CNOT6: variants seen among roughly 807,000 people sequenced by gnomAD.
The protein encoded by CNOT6 is carbon catabolite repression 4 protein.
A neutral mutation model predicts 61.2 loss-of-function variants in CNOT6; 12 were observed. The observed-to-expected ratio is 0.20, with a 90% confidence interval of 0.13 to 0.32. CNOT6 has a LOEUF of 0.32. CNOT6 is among the 10% of genes least tolerant of loss of function. The probability of loss-of-function intolerance (pLI) is 1.00; values close to 1 mark genes in which losing one functional copy is unlikely to be tolerated. For synonymous variants in CNOT6, 225 were observed against 240.6 expected (o/e 0.94, Z 0.60); for missense variants, 405 against 663.9 (o/e 0.61, Z 4.28).
At chr5:180,521,388 A>G (rs1331876977) in intron 1 of CNOT6, among the ~76,000 whole-genome samples, 2 of 152,234 alleles carry the variant, frequency 1.3e-5, no homozygotes, top group South Asian at 4.1e-4. Context: ...CTCAGGTTTC[A>G]TAATCACATT....
At chr5:180,547,999 G>T (rs1311663858) in intron 2 of CNOT6, among the ~76,000 whole-genome samples, 1 of 152,194 alleles carries the variant, frequency 6.6e-6, no homozygotes, top group East Asian at 1.9e-4. Flanking sequence ...TTCCCAAAGT[G>T]CTGGGATTAC....
chr5:180,509,747 C>G (rs1480711639), intron 1 of CNOT6, among the ~76,000 whole-genome samples: 1 of 151,504 alleles, frequency 6.6e-6, no homozygotes, highest in Non-Finnish European at 1.5e-5. Flanking sequence ...GACAGGATCT[C>G]CCTATGCTGC....
At chr5:180,539,879 G>A (rs1225391608) in intron 2 of CNOT6, among the ~76,000 whole-genome samples, 1 of 151,938 alleles carries the variant, frequency 6.6e-6, no homozygotes, top group African/African-American at 2.4e-5. Flanking sequence ...GTGAGCCACC[G>A]CGCCCAGCCT....
chr5:180,502,566 G>A (rs1198984072), intron 1 of CNOT6, among the ~76,000 whole-genome samples: 1 of 152,196 alleles, frequency 6.6e-6, no homozygotes, highest in Non-Finnish European at 1.5e-5. Flanking sequence ...GTAGCAAAGA[G>A]GAAATCATTA....
At chr5:180,508,152 A>G (rs1020025040) in intron 1 of CNOT6, among the ~76,000 whole-genome samples, 1 of 152,192 alleles carries the variant, frequency 6.6e-6, no homozygotes, top group African/African-American at 2.4e-5. Flanking sequence ...GAATTAAGGC[A>G]GAGTGGGTGA....
chr5:180,497,119 G>A (rs1489805301), intron 1 of CNOT6, among the ~76,000 whole-genome samples: 3 of 152,144 alleles, frequency 2.0e-5, no homozygotes, highest in Admixed American at 6.5e-5. Context: ...CCTGAGGTCA[G>A]GAGTTCGAGG....
Position 180,577,163 on chromosome 5 carries a change from A to ATGTGTGTGTGCGTGTG in CNOT6, c.*2973_*2974insCGTGTGTGTGTGTGTG, listed in dbSNP as rs1554104995. The ATGTGTGTGTGCGTGTG allele has an allele frequency of 6.9e-6, 1 of 145,656 alleles. No individual in the cohort carries two copies. The highest frequency in any genetic ancestry group is 2.5e-5 in the African/African-American group (1 of 39,318). The allele number at this position is 145,656 out of a possible 1,614,324, so 9.0% of individuals were successfully genotyped here. A position where few individuals can be genotyped will look rare whatever the true frequency, so the allele number is the denominator to read the frequency against. On this transcript the variant is annotated 3_prime_UTR_variant, in exon 12 of 12. Coordinates refer to ENST00000261951, the MANE Select transcript of CNOT6 (RefSeq NM_001370472.1). Reference sequence around the variant, plus strand: ...AGATAGGCAGAGAACATCTCCAGAAATGTGTGTGTGTGTGTGTGTGTGTGT... The same window carrying ATGTGTGTGTGCGTGTG: ...AGATAGGCAGAGAACATCTCCAGAAATGTGTGTGTGCGTGTGTGTGTGTGTGTGTGTGTGTGTGTGT...
intron 2 of CNOT6, among the ~76,000 whole-genome samples, chr5:180,533,311 CCTATAT>C (rs1249837624): frequency 7.7e-5 from 5 of 65,222 alleles, no homozygotes; most frequent in East Asian, 4.0e-4. Flanking sequence ...TGGATGAAAA[CCTATAT>C]ATATATATAT....
At chr5:180,538,690 A>ATATATGTATATATATATATATATATATG (rs112317507) in intron 2 of CNOT6, among the ~76,000 whole-genome samples, 2 of 59,906 alleles carry the variant, frequency 3.3e-5, no homozygotes, top group African/African-American at 1.3e-4. Flanking sequence ...AAAAAGGTAT[A>ATATATGTATATATATATATATATATATG]TATATATATA....
intron 1 of CNOT6, among the ~76,000 whole-genome samples, chr5:180,501,194 C>G (rs1446555427): frequency 6.6e-6 from 1 of 152,016 alleles, no homozygotes; most frequent in Non-Finnish European, 1.5e-5. Flanking sequence ...AATGTAGAAG[C>G]TGGATTAAAG....
intron 2 of CNOT6, among the ~76,000 whole-genome samples, chr5:180,537,425 C>G (rs1758756089): frequency 6.6e-6 from 1 of 151,620 alleles, no homozygotes; most frequent in East Asian, 1.9e-4. Context: ...GGTATATCTG[C>G]TTTGGTTAGG....
rs1284709268 is a variant in CNOT6 at position 180,550,032 on chromosome 5, A to G, written c.214A>G (p.Lys72Glu). The change falls in exon 3 of 12, where the codon AAG (lysine) becomes GAG (glutamate). Residue 72 changes from lysine (K) to glutamate (E), a missense_variant. By Grantham distance (56) the Lys-to-Glu change is moderately conservative. This residue lies in a region of CNOT6 where 212 missense variants were observed against 307.1 expected (regional missense o/e 0.69). Coordinates refer to ENST00000261951, the MANE Select transcript of CNOT6 (RefSeq NM_001370472.1). ...GTCCCGAATTCCTTCAGACATTGCC[A>G]AGCTTCACAATCTGGTGTATTTGGA... ...SLSRIPSDIA[K>E]LHNLVYLDLS... 6.2e-7 allele frequency: 1 copy of G among 1,614,200 alleles called. No individual in the cohort carries two copies. The highest frequency in any genetic ancestry group is 8.5e-7 in the Non-Finnish European group (1 of 1,180,022).
chr5:180,531,561 C>T (rs990774472), intron 2 of CNOT6, among the ~76,000 whole-genome samples: 22 of 150,906 alleles, frequency 1.5e-4, no homozygotes, highest in African/African-American at 4.6e-4. Context: ...GGCAGAGACG[C>T]TCCTCACTTC....
chr5:180,567,832 T>C lies in CNOT6; in HGVS notation c.873-17T>C. 1 of 1,614,104 alleles carries C rather than the reference T, an allele frequency of 6.2e-7. No homozygotes were observed. The highest frequency in any genetic ancestry group is 8.5e-7 in the Non-Finnish European group (1 of 1,179,966). On this transcript the variant is annotated splice_polypyrimidine_tract_variant and intron_variant, in intron 8 of 11. Coordinates refer to ENST00000261951, the MANE Select transcript of CNOT6 (RefSeq NM_001370472.1). ...TCCCAACTCTGTGTGTGTGTGTGTG[T>C]GTTGTTTTTGTTTTAGATTTACTTT...
chr5:180,522,388 G>GT (rs1757919566), intron 1 of CNOT6, among the ~76,000 whole-genome samples: 1 of 152,090 alleles, frequency 6.6e-6, no homozygotes. Context: ...TGCTGGGATT[G>GT]TAAGTGTGAG....
intron 11 of CNOT6, among the ~76,000 whole-genome samples, chr5:180,572,412 A>G (rs1760793359): frequency 6.6e-6 from 1 of 152,096 alleles, no homozygotes; most frequent in African/African-American, 2.4e-5. Context: ...CTGGTCTTGA[A>G]TACCTGGCCT....
chr5:180,542,323 G>A (rs932971544), intron 2 of CNOT6, among the ~76,000 whole-genome samples: 1 of 151,568 alleles, frequency 6.6e-6, no homozygotes, highest in African/African-American at 2.4e-5. Flanking sequence ...GGAGTGCAGT[G>A]GTGCAATCTC....
At chr5:180,502,768 C>G (rs2127692432) in intron 1 of CNOT6, among the ~76,000 whole-genome samples, 1 of 151,924 alleles carries the variant, frequency 6.6e-6, no homozygotes, top group Non-Finnish European at 1.5e-5. Flanking sequence ...AATTAAAAAC[C>G]AAACAGAGAT....
intron 4 of CNOT6, among the ~76,000 whole-genome samples, chr5:180,560,919 TTGG>T (rs528330419): frequency 2.7e-5 from 4 of 150,622 alleles, no homozygotes; most frequent in East Asian, 2.0e-4. Context: ...TTTGTTGTTG[TTGG>T]TGGTGGTGGT....
Sources: allele counts gnomAD v4.1 joint callset (sites outside exome capture counted in the v4.1 genomes callset), GRCh38; gene constraint gnomAD v4.1.1; regional missense constraint gnomAD v4.1.1; transcripts MANE v1.5; gene names NCBI Gene and HGNC (gene_info 2026-07-23, HGNC 2026-07-21).